The following TFDP2 variants were observed in gnomAD, a reference collection of about 807,000 sequenced individuals.
TFDP2 encodes transcription factor Dp-2.
In TFDP2, 17 loss-of-function variants were observed where a neutral mutation model predicts 59.3. The ratio of observed to expected loss-of-function variants is 0.29; its 90% confidence interval spans 0.20 to 0.43. TFDP2 has a LOEUF of 0.43. Among genes scored for constraint, TFDP2 ranks in the 20% least tolerant of loss-of-function variants. The pLI is 1.00. For missense variants in TFDP2, 391 were observed against 528.8 expected, an observed-to-expected ratio of 0.74 and a Z score of 2.56; for synonymous variants, 180 against 194.7, an observed-to-expected ratio of 0.92 and a Z score of 0.63.
intron 3 of TFDP2, among the ~76,000 whole-genome samples, chr3:142,062,049 T>G (rs1189645726): frequency 6.6e-6 from 1 of 151,828 alleles, no homozygotes; most frequent in Non-Finnish European, 1.5e-5. Context: ...CTCCTCTTCC[T>G]ACTCCTTCTC....
intron 1 of TFDP2, among the ~76,000 whole-genome samples, chr3:142,144,522 G>T (rs1050880565): frequency 1.3e-5 from 2 of 152,206 alleles, no homozygotes; most frequent in African/African-American, 4.8e-5. Context: ...AAAATACTTA[G>T]TTATTTATTT....
At chr3:141,986,720 C>A (rs1209652959) in intron 6 of TFDP2, among the ~76,000 whole-genome samples, 2 of 152,188 alleles carry the variant, frequency 1.3e-5, no homozygotes, top group Non-Finnish European at 2.9e-5. Context: ...TCAGCAGACA[C>A]TGCTAACTCC....
At chr3:141,969,276 A>G (rs1939332559) in intron 9 of TFDP2, among the ~76,000 whole-genome samples, 1 of 84,946 alleles carries the variant, frequency 1.2e-5, no homozygotes, top group Admixed American at 1.2e-4. Flanking sequence ...TATATGAGAT[A>G]TATATATATA....
At chr3:141,959,941 G>C (rs1937154366) in intron 10 of TFDP2, 101 bp from the exon 11 acceptor site, 1 of 1,135,830 alleles carries the variant, frequency 8.8e-7, no homozygotes, top group Non-Finnish European at 1.2e-6. Flanking sequence ...CCTAAATCCA[G>C]CTATAGTGCT....
At chr3:142,037,628 T>A (rs1372824079) in intron 3 of TFDP2, among the ~76,000 whole-genome samples, 1 of 151,968 alleles carries the variant, frequency 6.6e-6, no homozygotes, top group Non-Finnish European at 1.5e-5. Flanking sequence ...AAGGAAATGG[T>A]TTTGTGGGGG....
At chr3:141,956,961 GCGAGATATCA>G (rs1456166212) in intron 11 of TFDP2, among the ~76,000 whole-genome samples, 2 of 118,026 alleles carry the variant, frequency 1.7e-5, no homozygotes, top group Non-Finnish European at 3.3e-5. Flanking sequence ...AAAAATCACA[GCGAGATATCA>G]CTTCACTTCT....
intron 3 of TFDP2, among the ~76,000 whole-genome samples, chr3:142,050,172 C>G (rs1947540076): frequency 6.7e-6 from 1 of 150,182 alleles, no homozygotes. Flanking sequence ...GAGGCTGAGG[C>G]AGAATCGCTT....
chr3:142,101,333 G>A (rs1241868624), intron 2 of TFDP2, among the ~76,000 whole-genome samples: 1 of 145,736 alleles, frequency 6.9e-6, no homozygotes, highest in African/African-American at 2.6e-5. Context: ...CAATATCTGA[G>A]CACATACATT....
At chr3:141,954,729 A>G (rs1231749899) in intron 11 of TFDP2, among the ~76,000 whole-genome samples, 2 of 152,228 alleles carry the variant, frequency 1.3e-5, no homozygotes, top group East Asian at 3.8e-4. Context: ...CATTAAAAGT[A>G]ATTCCTAAAA....
At chr3:141,998,360 C>T (rs1237338398) in intron 4 of TFDP2, among the ~76,000 whole-genome samples, 1 of 152,122 alleles carries the variant, frequency 6.6e-6, no homozygotes, top group African/African-American at 2.4e-5. Flanking sequence ...AATCCCCGCA[C>T]TTTGGGAGCC....
At chr3:141,996,281 G>A (rs547416752) in intron 4 of TFDP2, among the ~76,000 whole-genome samples, 16 of 152,244 alleles carry the variant, frequency 1.1e-4, no homozygotes, top group African/African-American at 3.9e-4. Flanking sequence ...TAAAAAAAGG[G>A]GAAGAGGCAT....
intron 1 of TFDP2, among the ~76,000 whole-genome samples, chr3:142,109,937 G>A (rs1382695968): frequency 6.6e-6 from 1 of 152,052 alleles, no homozygotes; most frequent in African/African-American, 2.4e-5. Flanking sequence ...GAGTGCAGTG[G>A]CATGATCTCA....
intron 3 of TFDP2, among the ~76,000 whole-genome samples, chr3:142,025,721 C>A (rs1374976213): frequency 6.6e-6 from 1 of 152,106 alleles, no homozygotes; most frequent in Non-Finnish European, 1.5e-5. Flanking sequence ...AAACCTCAAC[C>A]ATTACATGTT....
At chr3:142,101,504 C>G (rs1330069459) in intron 2 of TFDP2, among the ~76,000 whole-genome samples, 1 of 152,146 alleles carries the variant, frequency 6.6e-6, no homozygotes, top group African/African-American at 2.4e-5. Flanking sequence ...CAATTTGCAG[C>G]TGTTGAGAAG....
chr3:142,019,401 C>T (rs1212397713), intron 3 of TFDP2, among the ~76,000 whole-genome samples: 1 of 152,144 alleles, frequency 6.6e-6, no homozygotes, highest in Admixed American at 6.6e-5. Context: ...AATTTTGTAA[C>T]TTTTTAATGA....
At chr3:142,043,436 T>C (rs1947127539) in intron 3 of TFDP2, among the ~76,000 whole-genome samples, 1 of 151,422 alleles carries the variant, frequency 6.6e-6, no homozygotes, top group African/African-American at 2.4e-5. Flanking sequence ...CGATCTTGGC[T>C]CACTGCAACC....
chr3:141,973,093 G>GTATGTATATATATATATATA (rs1940010959), intron 8 of TFDP2, among the ~76,000 whole-genome samples: 1 of 103,194 alleles, frequency 9.7e-6, no homozygotes, highest in African/African-American at 3.6e-5. Context: ...AAAGCTATGT[G>GTATGTATATATATATATATA]TATATATATA....
intron 3 of TFDP2, among the ~76,000 whole-genome samples, chr3:142,084,408 G>C (rs73232695): frequency 0.085 from 12,966 of 152,216 alleles, 695 homozygotes; most frequent in Middle Eastern, 0.14. Context: ...ATGGAGAACA[G>C]TTTGGGAGCT....
chr3:142,055,183 G>C (rs929769206), intron 3 of TFDP2, among the ~76,000 whole-genome samples: 1 of 152,158 alleles, frequency 6.6e-6, no homozygotes. Flanking sequence ...AGAGAAATGA[G>C]CTATTTTAGA....
Sources: gnomAD v4.1 joint callset for allele counts (sites outside exome capture counted in the v4.1 genomes callset) on GRCh38, gnomAD v4.1.1 for gene constraint, MANE v1.5 for transcripts, NCBI Gene and HGNC (gene_info 2026-07-23, HGNC 2026-07-21) for gene names.